PTPRD: variants seen among roughly 807,000 people sequenced by gnomAD.
PTPRD encodes the protein receptor-type tyrosine-protein phosphatase delta.
In PTPRD, 34 loss-of-function variants were observed where a neutral mutation model predicts 214.5. The observed-to-expected ratio is 0.16, with a 90% CI of 0.12 to 0.21. The LOEUF (loss-of-function observed/expected upper bound fraction) is 0.21. Among genes scored for constraint, PTPRD ranks in the 10% least tolerant of loss-of-function variants. The pLI, the probability that PTPRD is intolerant of heterozygous loss-of-function variation, is 1.00. For missense variants in PTPRD, 2,545 were observed against 2,398.7 expected (o/e 1.06, Z -1.27); for synonymous variants, 1,128 against 845.7 (o/e 1.33, Z -5.79).
intron 31 of PTPRD, among the ~76,000 whole-genome samples, chr9:8,466,519 A>T (rs1247389885): frequency 6.6e-6 from 1 of 151,928 alleles, no homozygotes; most frequent in Admixed American, 6.6e-5. Flanking sequence ...CATTACGAGA[A>T]AATCATACTA....
intron 9 of PTPRD, among the ~76,000 whole-genome samples, chr9:9,198,939 A>G (rs546676115): frequency 6.6e-6 from 1 of 152,316 alleles, no homozygotes; most frequent in South Asian, 2.1e-4. Flanking sequence ...AGATTCATCA[A>G]GCAACTTGGG....
chr9:10,281,647 T>C (rs2095118954), intron 3 of PTPRD, among the ~76,000 whole-genome samples: 1 of 152,224 alleles, frequency 6.6e-6, no homozygotes, highest in South Asian at 2.1e-4. Context: ...GAGCTAGTAA[T>C]AGACCATACA....
chr9:9,450,773 A>G (rs970231485), intron 8 of PTPRD, among the ~76,000 whole-genome samples: 8 of 151,666 alleles, frequency 5.3e-5, no homozygotes, highest in African/African-American at 1.9e-4. Flanking sequence ...GTGTCCCTGT[A>G]AAATTATCTT....
At chr9:8,416,308 TAC>T (rs994089478) in intron 35 of PTPRD, among the ~76,000 whole-genome samples, 2 of 152,196 alleles carry the variant, frequency 1.3e-5, no homozygotes, top group African/African-American at 4.8e-5. Flanking sequence ...CATACATGAA[TAC>T]ACACACATAT....
intron 9 of PTPRD, among the ~76,000 whole-genome samples, chr9:9,235,836 T>G (rs1489495875): frequency 1.3e-5 from 2 of 151,566 alleles, no homozygotes; most frequent in Admixed American, 6.6e-5. Flanking sequence ...TGCTCTTAGA[T>G]TCAGTAACTC....
At chr9:10,158,491 C>T (rs1163162909) in intron 3 of PTPRD, among the ~76,000 whole-genome samples, 1 of 152,100 alleles carries the variant, frequency 6.6e-6, no homozygotes, top group Non-Finnish European at 1.5e-5. Context: ...AATTTCTGTT[C>T]TAGTACCAAA....
At chr9:8,320,112 A>G (rs1414880664) in intron 44 of PTPRD, 146 bp from the exon 45 acceptor site, 8 of 982,940 alleles carry the variant, frequency 8.1e-6, no homozygotes, top group Non-Finnish European at 1.0e-5. Flanking sequence ...CACATTCATC[A>G]AATGATTACT....
intron 9 of PTPRD, among the ~76,000 whole-genome samples, chr9:9,361,884 G>T (rs563594835): frequency 6.6e-6 from 1 of 150,772 alleles, no homozygotes; most frequent in African/African-American, 2.4e-5. Flanking sequence ...TCTAGAAATG[G>T]GCATACAGGA....
intron 10 of PTPRD, among the ~76,000 whole-genome samples, chr9:9,140,808 G>GACC (rs2099859052): frequency 6.6e-6 from 1 of 152,116 alleles, no homozygotes. Flanking sequence ...TCGATCTCCT[G>GACC]ACCTCGTGAT....
At chr9:9,336,523 T>C (rs2044546784) in intron 9 of PTPRD, among the ~76,000 whole-genome samples, 1 of 152,132 alleles carries the variant, frequency 6.6e-6, no homozygotes, top group African/African-American at 2.4e-5. Context: ...GCCCTTCCCA[T>C]ATCCCTAAAT....
rs527744224 is a variant in PTPRD at position 10,578,345 on chromosome 9, A to AT, written c.-600+34052_-600+34053insA. Among the ~76,000 whole-genome samples the AT allele has an allele frequency of 1.8e-3, 271 of 152,306 alleles. 3 individuals are homozygous for AT. The highest frequency in any genetic ancestry group is 6.1e-3 in the African/African-American group (255 of 41,562). Reference sequence around the variant, plus strand: ...TGTTTCCTATATATACAGAACCAGTAAAATTCATACTTATAAAATTATATA... The same window carrying AT: ...TGTTTCCTATATATACAGAACCAGTATAAATTCATACTTATAAAATTATATA... On this transcript the variant is annotated intron_variant, in intron 2 of 45. Transcript: ENST00000381196.
chr9:10,204,481 C>T (rs2099456286), intron 3 of PTPRD, among the ~76,000 whole-genome samples: 1 of 152,062 alleles, frequency 6.6e-6, no homozygotes, highest in South Asian at 2.1e-4. Context: ...AATGGAATTT[C>T]CGTCATCTAG....
intron 14 of PTPRD, among the ~76,000 whole-genome samples, chr9:8,533,362 A>G (rs769415802): frequency 5.3e-5 from 8 of 152,060 alleles, no homozygotes; most frequent in Non-Finnish European, 7.4e-5. Context: ...ACTGTTTGCC[A>G]TGGTATTGGG....
chr9:9,816,257 G>A (rs192948946), intron 5 of PTPRD, among the ~76,000 whole-genome samples: 200 of 152,014 alleles, frequency 1.3e-3, no homozygotes, highest in African/African-American at 4.4e-3. Context: ...AATTTTTTCC[G>A]TTAAAGAAAT....
chr9:8,926,159 C>T (rs1441540982), intron 11 of PTPRD, among the ~76,000 whole-genome samples: 2 of 152,072 alleles, frequency 1.3e-5, no homozygotes, highest in African/African-American at 2.4e-5. Flanking sequence ...TTTGCCCAAA[C>T]TGCATCCTCT....
intron 9 of PTPRD, among the ~76,000 whole-genome samples, chr9:9,207,864 C>A (rs933443259): frequency 3.3e-4 from 50 of 151,650 alleles, no homozygotes; most frequent in Non-Finnish European, 1.8e-4. Flanking sequence ...TAATAGAGAA[C>A]CATGACTGCA....
intron 9 of PTPRD, among the ~76,000 whole-genome samples, chr9:9,328,589 G>T (rs1023604502): frequency 1.4e-4 from 14 of 96,644 alleles, no homozygotes; most frequent in Non-Finnish European, 2.6e-4. Context: ...TTTTCTTTTT[G>T]ATCACATTTT....
At chr9:8,452,190 C>T (rs2095985927) in intron 33 of PTPRD, among the ~76,000 whole-genome samples, 1 of 152,148 alleles carries the variant, frequency 6.6e-6, no homozygotes, top group African/African-American at 2.4e-5. Flanking sequence ...CCTCAGACTC[C>T]TGAAATCCTA....
chr9:9,878,035 T>C (rs2067428466), intron 5 of PTPRD, among the ~76,000 whole-genome samples: 1 of 149,174 alleles, frequency 6.7e-6, no homozygotes, highest in Admixed American at 6.7e-5. Context: ...CGGTTGCCCC[T>C]CTAAAATTCA....
Sources: gnomAD v4.1 joint callset for allele counts (sites outside exome capture counted in the v4.1 genomes callset) on GRCh38, gnomAD v4.1.1 for gene constraint, MANE v1.5 for transcripts, NCBI Gene and HGNC (gene_info 2026-07-23, HGNC 2026-07-21) for gene names.